Variants in FRMD5 observed in about 807,000 individuals in gnomAD.
FRMD5 encodes the protein FERM domain containing 5.
FRMD5 carries 20 observed loss-of-function variants against 69.0 expected under a neutral mutation model. That is an observed-to-expected ratio of 0.29 (90% CI 0.20 to 0.42). The LOEUF (loss-of-function observed/expected upper bound fraction) is 0.42. FRMD5 is among the 10% of genes least tolerant of loss of function. The probability of loss-of-function intolerance (pLI) is 1.00; values close to 1 mark genes in which losing one functional copy is unlikely to be tolerated. For synonymous variants in FRMD5, 271 were observed against 260.1 expected, an observed-to-expected ratio of 1.04 and a Z score of -0.40; for missense variants, 595 against 708.6, an observed-to-expected ratio of 0.84 and a Z score of 1.82.
At chr15:44,178,906 C>T (rs2077948309) in intron 1 of FRMD5, among the ~76,000 whole-genome samples, 1 of 152,026 alleles carries the variant, frequency 6.6e-6, no homozygotes, top group East Asian at 1.9e-4. Context: ...GGAGGAGAAT[C>T]GCTTGAACCC....
At chr15:44,114,168 A>T (rs1053480849) in intron 1 of FRMD5, among the ~76,000 whole-genome samples, 1 of 152,336 alleles carries the variant, frequency 6.6e-6, no homozygotes, top group Middle Eastern at 3.4e-3. Context: ...AACAGAAGAC[A>T]GTAGTATAAA....
intron 1 of FRMD5, among the ~76,000 whole-genome samples, chr15:44,053,136 T>C (rs1892734987): frequency 2.6e-5 from 4 of 152,070 alleles, no homozygotes; most frequent in Non-Finnish European, 2.9e-5. Context: ...GGTAACTAAC[T>C]TAGAGCATGA....
Position 43,873,563 on chromosome 15 carries a change from C to T in FRMD5, c.*322G>A. 2.1e-6 allele frequency: 3 copies of T among 1,395,888 alleles called. No individual in the cohort carries two copies. Among genetic ancestry groups the T allele is most frequent in the Admixed American group, 6.0e-5 (2 of 33,176 alleles). 86.5% of individuals were successfully genotyped at this position (1,395,888 alleles called of 1,614,324 possible). Reference sequence around the variant, plus strand: ...TAAAATAAATTATTTTTATTTGATACTTCAAAATAATATACATCTATGAAA... The same window carrying T: ...TAAAATAAATTATTTTTATTTGATATTTCAAAATAATATACATCTATGAAA... On this transcript the variant is annotated 3_prime_UTR_variant, in exon 14 of 14. Transcript: ENST00000417257.
At chr15:44,197,694 A>AG (rs2078321562), upstream of FRMD5, among the ~76,000 whole-genome samples, 1 of 151,492 alleles carries the variant, frequency 6.6e-6, no homozygotes, top group African/African-American at 2.4e-5. Flanking sequence ...AAAAAAAAAA[A>AG]AAAAGAAAGA....
chr15:44,174,597 T>C (rs2696079), intron 1 of FRMD5, among the ~76,000 whole-genome samples: 12,938 of 152,204 alleles, frequency 0.085, 982 homozygotes, highest in Non-Finnish European at 0.11. Context: ...TCATGAAAAA[T>C]GACTTAGTTT....
At chr15:43,960,533 G>A (rs896514254) in intron 1 of FRMD5, among the ~76,000 whole-genome samples, 1 of 152,122 alleles carries the variant, frequency 6.6e-6, no homozygotes, top group Non-Finnish European at 1.5e-5. Context: ...ACAGGCGTGA[G>A]CCACAGTGCC....
chr15:44,149,500 T>C (rs2077409936), intron 1 of FRMD5, among the ~76,000 whole-genome samples: 1 of 152,050 alleles, frequency 6.6e-6, no homozygotes, highest in African/African-American at 2.4e-5. Flanking sequence ...AAACACATGA[T>C]CCAACTATAT....
At chr15:44,065,555 G>T (rs1443100563) in intron 1 of FRMD5, among the ~76,000 whole-genome samples, 1 of 152,070 alleles carries the variant, frequency 6.6e-6, no homozygotes, top group Non-Finnish European at 1.5e-5. Context: ...GGTTGAGTAC[G>T]ATCTAGTACA....
At chr15:44,007,207 AATAT>A (rs1380862085) in intron 1 of FRMD5, among the ~76,000 whole-genome samples, 3 of 152,328 alleles carry the variant, frequency 2.0e-5, no homozygotes, top group Non-Finnish European at 4.4e-5. Flanking sequence ...TTTAAATTAA[AATAT>A]ATAAATGTTT....
chr15:43,880,767 A>G (rs937838098), intron 13 of FRMD5, among the ~76,000 whole-genome samples: 6 of 152,212 alleles, frequency 3.9e-5, no homozygotes, highest in African/African-American at 1.2e-4. Flanking sequence ...GTGCCATTCT[A>G]TGAGGCTGGT....
At chr15:43,876,302 A>G (rs2088355109) in intron 13 of FRMD5, 1 of 1,179,114 alleles carries the variant, frequency 8.5e-7, no homozygotes, top group Non-Finnish European at 1.2e-6. Context: ...CCAGTTTGAA[A>G]GAATCTGAAT....
chr15:44,048,648 C>T (rs1002540177), intron 1 of FRMD5, among the ~76,000 whole-genome samples: 2 of 152,046 alleles, frequency 1.3e-5, no homozygotes, highest in African/African-American at 2.4e-5. Context: ...TCTCGTCTCA[C>T]GGCAACCTCC....
intron 4 of FRMD5, among the ~76,000 whole-genome samples, chr15:43,910,591 A>G (rs2089269656): frequency 1.3e-5 from 2 of 150,180 alleles, no homozygotes; most frequent in South Asian, 4.2e-4. Flanking sequence ...AAAAAAAAAA[A>G]AAAAAAAAAT....
chr15:43,983,861 A>C (rs946160773), intron 1 of FRMD5, among the ~76,000 whole-genome samples: 6 of 152,228 alleles, frequency 3.9e-5, no homozygotes, highest in African/African-American at 1.4e-4. Flanking sequence ...GTGAGAGGCC[A>C]GGGTCCCAGG....
chr15:43,931,508 C>G (rs1009752617), intron 1 of FRMD5, among the ~76,000 whole-genome samples: 1 of 152,078 alleles, frequency 6.6e-6, no homozygotes, highest in African/African-American at 2.4e-5. Context: ...TAAAGAAAAT[C>G]TAGAATTTGG....
chr15:44,161,991 G>T (rs564349836), intron 1 of FRMD5, among the ~76,000 whole-genome samples: 3 of 151,852 alleles, frequency 2.0e-5, no homozygotes, highest in Admixed American at 2.0e-4. Flanking sequence ...TCTTTTCCTT[G>T]TCTCTCCTAG....
At chr15:43,976,414 T>C (rs776004197) in intron 1 of FRMD5, among the ~76,000 whole-genome samples, 2 of 152,046 alleles carry the variant, frequency 1.3e-5, no homozygotes, top group African/African-American at 4.8e-5. Flanking sequence ...GCATGTAGAA[T>C]AAAAAGAACC....
Position 43,885,667 on chromosome 15 carries a change from C to T in FRMD5, c.959+14G>A. 1 of 1,598,602 alleles carries T rather than the reference C, an allele frequency of 6.3e-7. No individual in the cohort carries two copies. Among genetic ancestry groups the T allele is most frequent in the Non-Finnish European group, 8.6e-7 (1 of 1,165,778 alleles). ...AAAATAGATCCATAATGGTTACTTA[C>T]TGTCACTATTTACCTGTATCGGAAC... On this transcript the variant is annotated intron_variant, in intron 11 of 13. Coordinates refer to ENST00000417257, the MANE Select transcript of FRMD5 (RefSeq NM_032892.5).
At chr15:44,009,571 C>G (rs1243328070) in intron 1 of FRMD5, among the ~76,000 whole-genome samples, 1 of 152,128 alleles carries the variant, frequency 6.6e-6, no homozygotes, top group Non-Finnish European at 1.5e-5. Flanking sequence ...CCCAGCTACT[C>G]AGCTGGCTGA....
Sources: gnomAD v4.1 joint callset for allele counts (sites outside exome capture counted in the v4.1 genomes callset) on GRCh38, gnomAD v4.1.1 for gene constraint, MANE v1.5 for transcripts, NCBI Gene and HGNC (gene_info 2026-07-23, HGNC 2026-07-21) for gene names.